Variants in ARHGEF10 observed in about 807,000 individuals in gnomAD.
The protein encoded by ARHGEF10 is Rho guanine nucleotide exchange factor (GEF) 10.
A neutral mutation model predicts 147.4 loss-of-function variants in ARHGEF10; 140 were observed. The observed-to-expected ratio is 0.95, with a 90% CI of 0.83 to 1.09. ARHGEF10 has a LOEUF of 1.09. Among genes scored for constraint, ARHGEF10 ranks in the 50% least tolerant of loss-of-function variants. The pLI is 0.00. For missense variants in ARHGEF10, 2,222 were observed against 1,752.7 expected (o/e 1.27, Z -4.78); for synonymous variants, 902 against 695.8 (o/e 1.30, Z -4.67).
intron 25 of ARHGEF10, among the ~76,000 whole-genome samples, chr8:1,930,462 T>C (rs1813035065): frequency 6.6e-6 from 1 of 152,214 alleles, no homozygotes; most frequent in African/African-American, 2.4e-5. Flanking sequence ...GTTATTGAGC[T>C]TTTTAAACTG....
At chr8:1,933,528 G>C (rs894107273) in intron 25 of ARHGEF10, among the ~76,000 whole-genome samples, 1 of 137,312 alleles carries the variant, frequency 7.3e-6, no homozygotes, top group Non-Finnish European at 1.6e-5. Context: ...GGTTTGTCTG[G>C]GACACACATG....
At position 1,896,404 on chromosome 8, in the gene ARHGEF10, C is replaced by T; in HGVS notation, c.1512C>T (p.Leu504=). The T allele has an allele frequency of 6.2e-7, 1 of 1,613,892 alleles. No individual in the cohort carries two copies. Among genetic ancestry groups the T allele is most frequent in the Non-Finnish European group, 8.5e-7 (1 of 1,180,018 alleles). ...ATTTCAGCACAGCCGTGGCAGTCCTCAAGAAAACATGTGCCACAAAGCCCG... is the reference window on the plus strand; with the variant it reads ...ATTTCAGCACAGCCGTGGCAGTCCTTAAGAAAACATGTGCCACAAAGCCCG... ...VNNFSTAVAV[L]KKTCATKPAF... is the part of the protein sequence containing the mutation. Residue 504 remains leucine (L), a synonymous_variant, in exon 14 of 29, where the codon CTC becomes CTT. Coordinates refer to ENST00000349830, the MANE Select transcript of ARHGEF10 (RefSeq NM_014629.4).
chr8:1,844,185 G>T (rs570967032), intron 2 of ARHGEF10, among the ~76,000 whole-genome samples: 29 of 152,280 alleles, frequency 1.9e-4, no homozygotes, highest in African/African-American at 6.0e-4. Flanking sequence ...GTGGGCTCCA[G>T]GCCCCTTGGC....
rs781317329 is a variant in ARHGEF10, at chr8:1,864,441, C to T, written c.545+5C>T. 8 of 1,613,440 alleles carry T rather than the reference C, an allele frequency of 5.0e-6. No individual in the cohort carries two copies. In the South Asian group the frequency reaches 7.7e-5, roughly 16 times the overall value. On this transcript the variant is annotated splice_donor_5th_base_variant and intron_variant, in intron 5 of 28. Transcript: ENST00000349830. ...TTCCGAGGAGCCTCCAACCAGGTAT[C>T]TGCATCCGTCTTCCCACACCTGCTG...
intron 2 of ARHGEF10, among the ~76,000 whole-genome samples, chr8:1,849,291 C>T (rs911215039): frequency 6.7e-6 from 1 of 149,294 alleles, no homozygotes; most frequent in Non-Finnish European, 1.5e-5. Context: ...GCCGTGTGGA[C>T]ACAGCAAATG....
intron 2 of ARHGEF10, among the ~76,000 whole-genome samples, chr8:1,849,408 G>T (rs573689710): frequency 6.8e-6 from 1 of 148,128 alleles, no homozygotes; most frequent in African/African-American, 2.5e-5. Context: ...GGCGTGGGCC[G>T]GCCGCGTGGA....
At chr8:1,953,867 C>G (rs1188328861) in intron 28 of ARHGEF10, among the ~76,000 whole-genome samples, 1 of 152,158 alleles carries the variant, frequency 6.6e-6, no homozygotes, top group African/African-American at 2.4e-5. Flanking sequence ...AAACGCTTTG[C>G]AGGAAGCTTG....
intron 28 of ARHGEF10, among the ~76,000 whole-genome samples, chr8:1,956,511 A>G (rs926864771): frequency 6.6e-6 from 1 of 152,230 alleles, no homozygotes; most frequent in Non-Finnish European, 1.5e-5. Flanking sequence ...GCTGAGGAAA[A>G]CACAACTTTC....
intron 1 of ARHGEF10, among the ~76,000 whole-genome samples, chr8:1,841,019 C>A (rs756903989): frequency 2.2e-4 from 33 of 152,176 alleles, no homozygotes; most frequent in Non-Finnish European, 4.1e-4. Flanking sequence ...CCTCACTTGC[C>A]CCCTCTCCCG....
At chr8:1,859,195 CCCGGTGTTTCTTTGG>C (rs1805874185) in intron 3 of ARHGEF10, among the ~76,000 whole-genome samples, 1 of 149,040 alleles carries the variant, frequency 6.7e-6, no homozygotes, top group Admixed American at 6.7e-5. Flanking sequence ...CGGTTGTTTG[CCCGGTGTTTCTTTGG>C]CCATAGCACC....
chr8:1,944,572 TCA>T (rs1258999735), intron 26 of ARHGEF10, among the ~76,000 whole-genome samples: 1 of 152,244 alleles, frequency 6.6e-6, no homozygotes, highest in Non-Finnish European at 1.5e-5. Flanking sequence ...TCCCTTATTC[TCA>T]GATTGTGGGA....
At chr8:1,878,041 G>A (rs1035199332) in intron 8 of ARHGEF10, among the ~76,000 whole-genome samples, 8 of 151,990 alleles carry the variant, frequency 5.3e-5, no homozygotes, top group South Asian at 2.1e-4. Flanking sequence ...AACCTGGCTC[G>A]TGAAACTCAA....
At chr8:1,905,468 G>T (rs1216473551) in intron 16 of ARHGEF10, 103 bp from the exon 17 acceptor site, 18 of 1,445,664 alleles carry the variant, frequency 1.2e-5, no homozygotes, top group Non-Finnish European at 1.6e-5. Flanking sequence ...AAAGCGCTCA[G>T]TTTGGAAAAG....
chr8:1,860,924 T>C (rs994413579), intron 4 of ARHGEF10, among the ~76,000 whole-genome samples: 156 of 152,154 alleles, frequency 1.0e-3, no homozygotes, highest in African/African-American at 3.5e-3. Flanking sequence ...GCTCCCTGTT[T>C]CCCACTCATG....
intron 10 of ARHGEF10, among the ~76,000 whole-genome samples, chr8:1,885,354 TCTC>T (rs1808567034): frequency 6.6e-6 from 1 of 152,212 alleles, no homozygotes; most frequent in African/African-American, 2.4e-5. Flanking sequence ...AAATGGCACT[TCTC>T]CTTTTTGAAG....
chr8:1,830,262 T>TCAGGCGGCTCATTTCTCGTGGGGCC (rs1803012762), intron 1 of ARHGEF10, among the ~76,000 whole-genome samples: 2 of 149,516 alleles, frequency 1.3e-5, no homozygotes, highest in Admixed American at 1.3e-4. Context: ...CCCGTGGGGC[T>TCAGGCGGCTCATTTCTCGTGGGGCC]CAGGCGGCTC....
At chr8:1,872,428 A>C (rs564786055) in intron 7 of ARHGEF10, among the ~76,000 whole-genome samples, 1 of 152,326 alleles carries the variant, frequency 6.6e-6, no homozygotes, top group East Asian at 1.9e-4. Flanking sequence ...TGTTAGCAGA[A>C]ACTTGTAAAC....
At chr8:1,845,161 G>C (rs1804457571) in intron 2 of ARHGEF10, among the ~76,000 whole-genome samples, 1 of 152,148 alleles carries the variant, frequency 6.6e-6, no homozygotes, top group Non-Finnish European at 1.5e-5. Flanking sequence ...TGGAACATGA[G>C]GCAGAGAGCA....
rs1479718863 is a variant in ARHGEF10, at chr8:1,952,632, C to T, written c.3398-73C>T. ...TGGCACGACAGGCCTGTGGGGTTTC[C>T]AGCACCCCGTCACCGCCCCACCAAC... On this transcript the variant is annotated intron_variant, in intron 27 of 28. Coordinates refer to ENST00000349830, the MANE Select transcript of ARHGEF10 (RefSeq NM_014629.4). The T allele has an allele frequency of 3.8e-6, 6 of 1,592,406 alleles. No individual in the cohort carries two copies. In the African/African-American group the frequency reaches 6.7e-5, roughly 18 times the overall value.
Sources: allele counts gnomAD v4.1 joint callset (sites outside exome capture counted in the v4.1 genomes callset), GRCh38; gene constraint gnomAD v4.1.1; transcripts MANE v1.5; gene names NCBI Gene and HGNC (gene_info 2026-07-23, HGNC 2026-07-21).